MYOM1: variants seen among roughly 807,000 people sequenced by gnomAD.
The protein encoded by MYOM1 is myomesin 1, also known as myomesin-1.
In MYOM1, 164 loss-of-function variants were observed where a neutral mutation model predicts 205.3. The ratio of observed to expected loss-of-function variants is 0.80; its 90% confidence interval spans 0.70 to 0.91. The LOEUF is 0.91. MYOM1 is among the 40% of genes least tolerant of loss of function. The pLI is 0.00. For synonymous variants in MYOM1, 772 were observed against 789.4 expected, an observed-to-expected ratio of 0.98 and a Z score of 0.37; for missense variants, 2,011 against 2,127.3, an observed-to-expected ratio of 0.95 and a Z score of 1.08.
chr18:3,136,053 G>A (rs1374716747), intron 14 of MYOM1, among the ~76,000 whole-genome samples: 2 of 152,084 alleles, frequency 1.3e-5, no homozygotes, highest in African/African-American at 4.8e-5. Flanking sequence ...TACTGTTCTC[G>A]TGGTAGTGAG....
chr18:3,191,977 T>A (rs558894901), intron 3 of MYOM1, among the ~76,000 whole-genome samples: 20 of 152,310 alleles, frequency 1.3e-4, no homozygotes, highest in Middle Eastern at 3.4e-3. Flanking sequence ...ATTACAGGCA[T>A]GAGCCACCGT....
At chr18:3,159,296 G>C (rs949615395) in intron 10 of MYOM1, among the ~76,000 whole-genome samples, 3 of 152,152 alleles carry the variant, frequency 2.0e-5, no homozygotes, top group African/African-American at 7.2e-5. Context: ...TGTTTCTGCA[G>C]ACATATGGTG....
intron 14 of MYOM1, among the ~76,000 whole-genome samples, chr18:3,137,919 C>G (rs1598712653): frequency 6.6e-6 from 1 of 152,186 alleles, no homozygotes; most frequent in Middle Eastern, 3.4e-3. Context: ...TCAGTGTACC[C>G]TGTAAATATG....
chr18:3,171,060 A>C (rs2080550051), intron 8 of MYOM1, among the ~76,000 whole-genome samples: 1 of 152,230 alleles, frequency 6.6e-6, no homozygotes, highest in Non-Finnish European at 1.5e-5. Flanking sequence ...TACCACTAAT[A>C]TCTGCATTTT....
chr18:3,133,093 C>T (rs2079901465), intron 16 of MYOM1, among the ~76,000 whole-genome samples: 1 of 152,074 alleles, frequency 6.6e-6, no homozygotes, highest in Non-Finnish European at 1.5e-5. Context: ...AAAATGGTGC[C>T]TGCCCTCTAG....
Position 3,188,947 on chromosome 18 carries a change from G to C in MYOM1, c.572C>G (p.Thr191Arg). The change falls in exon 4 of 38, where the codon ACG becomes AGG. Residue 191 changes from threonine to arginine, a missense_variant. Coordinates refer to ENST00000356443, the MANE Select transcript of MYOM1 (RefSeq NM_003803.4). ...GGATGCCGTGGACTGCTTAGATGCCGTGGTCTGCTTGGATGCCGTGGACTG... is the reference window on the plus strand; with the variant it reads ...GGATGCCGTGGACTGCTTAGATGCCCTGGTCTGCTTGGATGCCGTGGACTG... ...SKQSTASKQTTASKQSTASKQ... is the reference protein window; with the variant it reads ...SKQSTASKQTRASKQSTASKQ... 1 of 1,600,572 alleles carries C rather than the reference G, an allele frequency of 6.2e-7. No individual in the cohort carries two copies. The highest frequency in any genetic ancestry group is 2.3e-5 in the East Asian group (1 of 44,248).
intron 10 of MYOM1, among the ~76,000 whole-genome samples, chr18:3,157,628 G>A (rs1440456470): frequency 1.3e-5 from 2 of 151,132 alleles, no homozygotes; most frequent in African/African-American, 2.4e-5. Context: ...AGTAAGCTAT[G>A]ATTGCACCAC....
rs141847516 is a variant in MYOM1, at chr18:3,193,723, T to A, written c.431+95A>T. 6.2e-4 allele frequency: 800 copies of A among 1,284,530 alleles called. 9 individuals carry two copies. In the East Asian group the frequency reaches 0.017, roughly 28 times the overall value. 79.6% of individuals were successfully genotyped at this position (1,284,530 alleles called of 1,614,324 possible). On this transcript the variant is annotated intron_variant, in intron 3 of 37. Coordinates refer to ENST00000356443, the MANE Select transcript of MYOM1 (RefSeq NM_003803.4). ...TAAATGTTAGCTGCTATTTCTATAA[T>A]CTGTCCACAACAATTATGACTATAA...
chr18:3,206,258 T>C (rs1384006845), intron 2 of MYOM1, among the ~76,000 whole-genome samples: 2 of 152,250 alleles, frequency 1.3e-5, no homozygotes, highest in Admixed American at 1.3e-4. Context: ...ATTTTTTCTA[T>C]TCTAAAAATG....
chr18:3,227,396 A>T, the MYOM1 span, among the ~76,000 whole-genome samples: 142 of 152,302 alleles, frequency 9.3e-4, 3 homozygotes, highest in East Asian at 0.017. Flanking sequence ...GATTCCACTT[A>T]TATGAGGTAC....
chr18:3,155,779 C>T (rs368235771), intron 10 of MYOM1, among the ~76,000 whole-genome samples: 1 of 152,144 alleles, frequency 6.6e-6, no homozygotes, highest in East Asian at 1.9e-4. Context: ...AAGAAAGGCT[C>T]CCAAGGGAGA....
chr18:3,203,096 T>A (rs2081086838), intron 2 of MYOM1, among the ~76,000 whole-genome samples: 1 of 151,556 alleles, frequency 6.6e-6, no homozygotes. Context: ...CTTCGAACTA[T>A]ATAAAAACAA....
chr18:3,116,646 G>A, intron 20 of MYOM1, 131 bp from the exon 21 acceptor site: 1 of 830,776 alleles, frequency 1.2e-6, no homozygotes, highest in Non-Finnish European at 1.8e-6. Flanking sequence ...GCTTTCCCAT[G>A]AAAAATAAGT....
At chr18:3,171,151 G>A (rs748726706) in intron 8 of MYOM1, among the ~76,000 whole-genome samples, 3 of 152,192 alleles carry the variant, frequency 2.0e-5, no homozygotes, top group East Asian at 3.8e-4. Context: ...CCGGCTGGCC[G>A]TTTCTGTGCT....
At chr18:3,160,545 A>G (rs1343623084) in intron 10 of MYOM1, among the ~76,000 whole-genome samples, 1 of 152,224 alleles carries the variant, frequency 6.6e-6, no homozygotes, top group Non-Finnish European at 1.5e-5. Flanking sequence ...TATACTAAAA[A>G]GCACCAAATT....
At chr18:3,113,135 GCATT>G (rs567176901) in intron 21 of MYOM1, among the ~76,000 whole-genome samples, 57 of 150,760 alleles carry the variant, frequency 3.8e-4, no homozygotes, top group African/African-American at 1.4e-3. Flanking sequence ...TAAAAAAAAA[GCATT>G]TATAATTTAT....
chr18:3,239,232 G>C, the MYOM1 span, among the ~76,000 whole-genome samples: 12 of 152,194 alleles, frequency 7.9e-5, no homozygotes, highest in African/African-American at 2.9e-4. Context: ...AGAAAACAGA[G>C]GAGCTGGCTT....
chr18:3,125,933 T>C (rs902548413), intron 19 of MYOM1, among the ~76,000 whole-genome samples: 1 of 152,062 alleles, frequency 6.6e-6, no homozygotes, highest in Non-Finnish European at 1.5e-5. Context: ...AGTCTAGCCA[T>C]CAAGCCCATG....
rs7505146 is a variant in MYOM1 at position 3,134,483 on chromosome 18, T to C, written c.2384+167A>G. Among the ~76,000 whole-genome samples, 49,281 of 151,738 alleles carry C rather than the reference T, an allele frequency of 0.32. 8,401 individuals are homozygous for C. The highest frequency in any genetic ancestry group is 0.59 in the East Asian group (3,055 of 5,154). Reference sequence around the variant, plus strand: ...CTTGAAATCCTGGCTTCAAGCAATCTTCCCACCTCAGCCTCCGAAAGTGCT... The same window carrying C: ...CTTGAAATCCTGGCTTCAAGCAATCCTCCCACCTCAGCCTCCGAAAGTGCT... On this transcript the variant is annotated intron_variant, in intron 16 of 37. Coordinates refer to ENST00000356443, the MANE Select transcript of MYOM1 (RefSeq NM_003803.4).
Sources: gnomAD v4.1 joint callset for allele counts (sites outside exome capture counted in the v4.1 genomes callset) on GRCh38, gnomAD v4.1.1 for gene constraint, MANE v1.5 for transcripts, NCBI Gene and HGNC (gene_info 2026-07-23, HGNC 2026-07-21) for gene names.